CDH12: variants seen among roughly 807,000 people sequenced by gnomAD.
CDH12 encodes the protein cadherin 12.
In CDH12, 41 loss-of-function variants were observed where a neutral mutation model predicts 74.1. The observed-to-expected ratio is 0.55, with a 90% CI of 0.43 to 0.72. The LOEUF (loss-of-function observed/expected upper bound fraction) is 0.72, where lower values mean the gene tolerates loss of function less well. Ranked by LOEUF, CDH12 falls within the 30% of genes least tolerant of loss-of-function variation. CDH12 has a pLI of 0.00. For synonymous variants in CDH12, 399 were observed against 355.0 expected (o/e 1.12, Z -1.39); for missense variants, 945 against 977.2 (o/e 0.97, Z 0.44).
intron 1 of CDH12, among the ~76,000 whole-genome samples, chr5:22,583,886 A>G (rs1740234602): frequency 6.6e-6 from 1 of 152,142 alleles, no homozygotes; most frequent in South Asian, 2.1e-4. Context: ...TATTCATGAA[A>G]TAAACTATGA....
intron 6 of CDH12, among the ~76,000 whole-genome samples, chr5:21,878,227 T>C (rs2150027435): frequency 6.6e-6 from 1 of 152,294 alleles, no homozygotes; most frequent in Middle Eastern, 3.4e-3. Context: ...TAATTTAGGG[T>C]GGTATTTGGG....
chr5:21,955,519 T>A (rs1162951843), intron 6 of CDH12, among the ~76,000 whole-genome samples: 1 of 152,024 alleles, frequency 6.6e-6, no homozygotes, highest in Non-Finnish European at 1.5e-5. Flanking sequence ...TAATGAGTGA[T>A]CAAACCAAAT....
intron 1 of CDH12, among the ~76,000 whole-genome samples, chr5:22,605,501 C>A (rs1391618063): frequency 1.3e-5 from 2 of 152,198 alleles, no homozygotes; most frequent in African/African-American, 4.8e-5. Flanking sequence ...GAAGGGCTCC[C>A]TTAGAATTCT....
intron 10 of CDH12, among the ~76,000 whole-genome samples, chr5:21,788,941 C>T (rs923951381): frequency 6.6e-6 from 1 of 151,810 alleles, no homozygotes; most frequent in Non-Finnish European, 1.5e-5. Context: ...CTATATTTCT[C>T]ATGTCTTTTT....
intron 1 of CDH12, among the ~76,000 whole-genome samples, chr5:22,809,741 A>AG (rs1410109919): frequency 6.6e-6 from 1 of 152,120 alleles, no homozygotes; most frequent in Non-Finnish European, 1.5e-5. Flanking sequence ...CTGGAAAAAA[A>AG]CAAAACCTCT....
intron 3 of CDH12, among the ~76,000 whole-genome samples, chr5:22,267,131 T>C (rs1263600345): frequency 6.6e-6 from 1 of 152,184 alleles, no homozygotes; most frequent in Non-Finnish European, 1.5e-5. Context: ...TCTTTTGCTT[T>C]ACAGTTATCT....
intron 3 of CDH12, among the ~76,000 whole-genome samples, chr5:22,339,240 T>A (rs1434428873): frequency 2.0e-5 from 3 of 152,210 alleles, no homozygotes; most frequent in Admixed American, 6.5e-5. Context: ...GAGACTGCAG[T>A]GCTGAGTGAC....
chr5:22,719,061 A>C (rs961107493), intron 1 of CDH12, among the ~76,000 whole-genome samples: 8 of 152,176 alleles, frequency 5.3e-5, no homozygotes, highest in Non-Finnish European at 4.4e-5. Flanking sequence ...CCAAATTGAT[A>C]GCCAGCTAGT....
chr5:22,678,587 A>G (rs1004915641), intron 1 of CDH12, among the ~76,000 whole-genome samples: 4 of 152,080 alleles, frequency 2.6e-5, no homozygotes, highest in African/African-American at 9.7e-5. Flanking sequence ...CAGAAAATGT[A>G]CTTTGCGGCC....
chr5:22,822,795 G>C (rs1475304161), intron 1 of CDH12, among the ~76,000 whole-genome samples: 1 of 152,060 alleles, frequency 6.6e-6, no homozygotes. Context: ...GGACTGTGAA[G>C]TAGTTCAACC....
chr5:21,754,024 G>A (rs1307897448), intron 14 of CDH12, among the ~76,000 whole-genome samples: 1 of 152,168 alleles, frequency 6.6e-6, no homozygotes, highest in Non-Finnish European at 1.5e-5. Context: ...AAAAAACGAG[G>A]AGGATACATA....
chr5:22,334,859 A>C (rs1179136366), intron 3 of CDH12, among the ~76,000 whole-genome samples: 1 of 152,194 alleles, frequency 6.6e-6, no homozygotes, highest in East Asian at 1.9e-4. Flanking sequence ...AAATGTATTA[A>C]AGACTTAAAT....
chr5:21,829,923 G>C (rs1748907118), intron 8 of CDH12, among the ~76,000 whole-genome samples: 1 of 151,984 alleles, frequency 6.6e-6, no homozygotes, highest in South Asian at 2.1e-4. Flanking sequence ...TTTGGGCCTG[G>C]TGTGGTGGCT....
chr5:21,785,966 G>A (rs1746175678), intron 10 of CDH12, among the ~76,000 whole-genome samples: 3 of 152,090 alleles, frequency 2.0e-5, no homozygotes, highest in Admixed American at 2.0e-4. Context: ...TGGCTTCAAA[G>A]CTTCAAAAAA....
intron 1 of CDH12, among the ~76,000 whole-genome samples, chr5:22,594,393 G>C (rs1173851290): frequency 6.6e-6 from 1 of 152,038 alleles, no homozygotes; most frequent in Admixed American, 6.6e-5. Flanking sequence ...ATCCTATTTT[G>C]CTGTCTTTCT....
intron 1 of CDH12, among the ~76,000 whole-genome samples, chr5:22,567,788 G>C (rs1335156244): frequency 6.6e-6 from 1 of 152,190 alleles, no homozygotes; most frequent in Non-Finnish European, 1.5e-5. Flanking sequence ...AATGGTGACT[G>C]GTAAATATTT....
At chr5:22,763,550 G>A (rs905540632) in intron 1 of CDH12, among the ~76,000 whole-genome samples, 1 of 151,852 alleles carries the variant, frequency 6.6e-6, no homozygotes, top group Non-Finnish European at 1.5e-5. Flanking sequence ...TGAGGTTCAC[G>A]AACTATTCTA....
chr5:22,533,911 T>C (rs1260878417), intron 1 of CDH12, among the ~76,000 whole-genome samples: 1 of 152,204 alleles, frequency 6.6e-6, no homozygotes, highest in East Asian at 1.9e-4. Flanking sequence ...TTTGAAGTTG[T>C]AGAAGTTCTA....
intron 3 of CDH12, among the ~76,000 whole-genome samples, chr5:22,326,228 A>ATTT (rs111680651): frequency 6.7e-6 from 1 of 148,972 alleles, no homozygotes; most frequent in Non-Finnish European, 1.5e-5. Flanking sequence ...CCAGTTGGCT[A>ATTT]TTTTTTTTTT....
Sources: gnomAD v4.1 joint callset for allele counts (sites outside exome capture counted in the v4.1 genomes callset) on GRCh38, gnomAD v4.1.1 for gene constraint, MANE v1.5 for transcripts, NCBI Gene and HGNC (gene_info 2026-07-23, HGNC 2026-07-21) for gene names.